Variants in ZNF532 observed in about 807,000 individuals in gnomAD.
The protein encoded by ZNF532 is zinc finger protein 532.
A neutral mutation model predicts 89.3 loss-of-function variants in ZNF532; 22 were observed. The ratio of observed to expected loss-of-function variants is 0.25; its 90% CI spans 0.18 to 0.35. ZNF532 has a LOEUF of 0.35. Ranked by LOEUF, ZNF532 falls within the 10% of genes least tolerant of loss-of-function variation. The probability of loss-of-function intolerance (pLI) is 1.00; values close to 1 mark genes in which losing one functional copy is unlikely to be tolerated. For missense variants in ZNF532, 1,132 were observed against 1,643.4 expected, an observed-to-expected ratio of 0.69 and a Z score of 5.38; for synonymous variants, 606 against 649.6, an observed-to-expected ratio of 0.93 and a Z score of 1.02.
chr18:58,915,202 A>G (rs1050860488), intron 2 of ZNF532, among the ~76,000 whole-genome samples: 1 of 152,234 alleles, frequency 6.6e-6, no homozygotes, highest in African/African-American at 2.4e-5. Context: ...CAGGCACCAC[A>G]GTGATCTCGG....
chr18:58,874,001 T>C (rs1212444981), intron 2 of ZNF532, among the ~76,000 whole-genome samples: 1 of 122,370 alleles, frequency 8.2e-6, no homozygotes, highest in Non-Finnish European at 1.7e-5. Flanking sequence ...ATAAAGTGTT[T>C]AGCAGAATAT....
rs189274144 is a variant in ZNF532, at chr18:58,916,900, G to A, written c.-17-1371G>A. Among the ~76,000 whole-genome samples the A allele has an allele frequency of 1.4e-3, 217 of 152,298 alleles. 1 individual carries two copies. Among genetic ancestry groups the A allele is most frequent in the Non-Finnish European group, 1.8e-4 (12 of 68,026 alleles). On this transcript the variant is annotated intron_variant, in intron 2 of 9. Transcript: ENST00000591808. ...TTGTACAAGAAAAAAAAAATCAAGT[G>A]CTTCAGTAAGATGTGGAAGGAGGCA...
At chr18:58,928,033 C>G (rs2061665370) in intron 3 of ZNF532, among the ~76,000 whole-genome samples, 1 of 152,218 alleles carries the variant, frequency 6.6e-6, no homozygotes, top group African/African-American at 2.4e-5. Flanking sequence ...CTTGATTTAG[C>G]TCAGTCACTA....
At chr18:58,873,265 G>C (rs137870489) in intron 2 of ZNF532, among the ~76,000 whole-genome samples, 2 of 152,068 alleles carry the variant, frequency 1.3e-5, no homozygotes, top group Non-Finnish European at 2.9e-5. Context: ...CAAGTGATCT[G>C]CCTTCCTTGA....
chr18:58,922,152 A>C (rs73439943), intron 3 of ZNF532, among the ~76,000 whole-genome samples: 3,274 of 152,198 alleles, frequency 0.022, 141 homozygotes, highest in African/African-American at 0.074. Context: ...AGGGAGCACT[A>C]GTTTGAGCTA....
intron 2 of ZNF532, among the ~76,000 whole-genome samples, chr18:58,896,800 G>A (rs1353330236): frequency 6.6e-6 from 1 of 152,212 alleles, no homozygotes; most frequent in African/African-American, 2.4e-5. Flanking sequence ...GGATTAATCA[G>A]TAGAGGGAGG....
At chr18:58,886,934 T>C (rs565681928) in intron 2 of ZNF532, among the ~76,000 whole-genome samples, 5 of 152,346 alleles carry the variant, frequency 3.3e-5, no homozygotes, top group African/African-American at 1.2e-4. Context: ...AGTAATCTCC[T>C]TAGTTGGAGA....
intron 3 of ZNF532, 102 bp downstream of exon 3, chr18:58,920,735 CGTGTGTGTGTGTGTGTGTGT>C (rs5825306): frequency 0.013 from 5,581 of 421,200 alleles, 27 homozygotes; most frequent in South Asian, 0.018. Flanking sequence ...GTGAAATGGA[CGTGTGTGTGTGTGTGTGTGT>C]GTGTGTGTGT....
intron 2 of ZNF532, among the ~76,000 whole-genome samples, chr18:58,870,618 A>G (rs1001343636): frequency 1.3e-5 from 2 of 152,056 alleles, no homozygotes; most frequent in Non-Finnish European, 2.9e-5. Flanking sequence ...AGCCCCATGG[A>G]GGTTGGAATA....
intron 2 of ZNF532, among the ~76,000 whole-genome samples, chr18:58,902,114 A>G (rs2059641192): frequency 6.6e-6 from 1 of 151,728 alleles, no homozygotes; most frequent in Non-Finnish European, 1.5e-5. Context: ...CCCATGTCAC[A>G]TTGTGGCTGC....
intron 5 of ZNF532, among the ~76,000 whole-genome samples, chr18:58,945,940 A>G (rs1407934832): frequency 2.6e-5 from 4 of 152,048 alleles, no homozygotes; most frequent in Non-Finnish European, 4.4e-5. Flanking sequence ...CATGTTGGCC[A>G]GGTTGGTCTC....
intron 2 of ZNF532, among the ~76,000 whole-genome samples, chr18:58,888,736 ATATATTT>A (rs1430725681): frequency 1.9e-5 from 1 of 51,354 alleles, no homozygotes; most frequent in African/African-American, 1.2e-4. Flanking sequence ...AATTATATAT[ATATATTT>A]TATATATATA....
intron 2 of ZNF532, among the ~76,000 whole-genome samples, chr18:58,880,535 T>C (rs897746080): frequency 2.6e-5 from 4 of 152,164 alleles, no homozygotes; most frequent in Admixed American, 1.3e-4. Flanking sequence ...AAAGTGAATC[T>C]TTTTTCTGTT....
intron 7 of ZNF532, among the ~76,000 whole-genome samples, chr18:58,974,156 G>A (rs2066782707): frequency 6.6e-6 from 1 of 152,016 alleles, no homozygotes; most frequent in African/African-American, 2.4e-5. Flanking sequence ...TTTTGGATAT[G>A]TGCTATATTT....
At position 58,981,596 on chromosome 18, in the gene ZNF532, A is replaced by C. The variant is rs1355679043; in HGVS notation, c.3390A>C (p.Thr1130=). ...EMTDATNEEE[T]EIKEDTKVPS... is the part of the protein sequence containing the mutation. ...CAGATGCCACCAATGAGGAGGAAAC[A>C]GAAATAAAAGAAGACACTAAGGTCT... Residue 1130 remains threonine, a synonymous_variant, in exon 9 of 10, where the codon ACA becomes ACC. Coordinates refer to ENST00000591808, the MANE Select transcript of ZNF532 (RefSeq NM_001375912.1). 2 of 1,614,196 alleles carry C rather than the reference A, an allele frequency of 1.2e-6. No homozygotes were observed. The highest frequency in any genetic ancestry group is 2.2e-5 in the South Asian group (2 of 91,092).
intron 2 of ZNF532, among the ~76,000 whole-genome samples, chr18:58,907,374 T>A (rs987719053): frequency 6.6e-6 from 1 of 152,004 alleles, no homozygotes; most frequent in African/African-American, 2.4e-5. Context: ...TTAGTAGAGA[T>A]GGGGTTTTAC....
intron 7 of ZNF532, among the ~76,000 whole-genome samples, chr18:58,965,383 A>G (rs892227842): frequency 1.3e-4 from 20 of 152,246 alleles, no homozygotes; most frequent in African/African-American, 4.8e-4. Flanking sequence ...GAAAGGTTCA[A>G]TAACTTACCC....
At chr18:58,936,420 A>G (rs2062476541) in intron 4 of ZNF532, among the ~76,000 whole-genome samples, 1 of 152,252 alleles carries the variant, frequency 6.6e-6, no homozygotes, top group African/African-American at 2.4e-5. Flanking sequence ...TTTTTCTAAT[A>G]GAATGAAAGT....
chr18:58,917,691 C>A (rs2060704344), intron 2 of ZNF532, among the ~76,000 whole-genome samples: 1 of 151,480 alleles, frequency 6.6e-6, no homozygotes, highest in African/African-American at 2.4e-5. Flanking sequence ...TGGACAGAAT[C>A]AGCTCCTTAG....
Sources: gnomAD v4.1 joint callset for allele counts (sites outside exome capture counted in the v4.1 genomes callset) on GRCh38, gnomAD v4.1.1 for gene constraint, MANE v1.5 for transcripts, NCBI Gene and HGNC (gene_info 2026-07-23, HGNC 2026-07-21) for gene names.